Variants in MARVELD3 observed in about 807,000 individuals in gnomAD.
MARVELD3 encodes MARVEL domain containing 3.
In MARVELD3, 28 loss-of-function variants were observed where a neutral mutation model predicts 33.5. The observed-to-expected ratio is 0.84, with a 90% confidence interval of 0.62 to 1.15. The LOEUF (loss-of-function observed/expected upper bound fraction) is 1.15. Ranked by LOEUF, MARVELD3 falls within the 50% of genes most tolerant of loss-of-function variation. The pLI is 0.00. For missense variants in MARVELD3, 582 were observed against 547.6 expected (o/e 1.06, Z -0.63); for synonymous variants, 241 against 230.4 (o/e 1.05, Z -0.42).
At position 71,626,337 on chromosome 16, in the gene MARVELD3, C is replaced by A; in HGVS notation, c.108C>A (p.Asp36Glu). Residue 36 changes from aspartate (D) to glutamate (E), a missense_variant, in exon 1 of 3, where the codon GAC becomes GAA. Transcript: ENST00000268485. The surrounding 1 kb of genome is among the most constrained non-coding windows in gnomAD (Gnocchi z 5.3). ...DQGRTHDRPR[D>E]RPGDPRRKRS... ...GCCGCACCCACGATCGACCGCGGGACCGACCCGGGGACCCGCGCAGGAAGC... is the reference window on the plus strand; with the variant it reads ...GCCGCACCCACGATCGACCGCGGGAACGACCCGGGGACCCGCGCAGGAAGC... The A allele has an allele frequency of 6.5e-7, 1 of 1,548,274 alleles. No individual in the cohort carries two copies. The highest frequency in any genetic ancestry group is 8.7e-7 in the Non-Finnish European group (1 of 1,146,762).
intron 2 of MARVELD3, among the ~76,000 whole-genome samples, chr16:71,632,844 G>A (rs1194061302): frequency 6.6e-6 from 1 of 151,590 alleles, no homozygotes; most frequent in Non-Finnish European, 1.5e-5. Context: ...ACTCGTGACC[G>A]CAGGTGATCT....
intron 2 of MARVELD3, 32 bp from the exon 3 acceptor site, chr16:71,634,161 C>T (rs372788144): frequency 4.5e-6 from 7 of 1,568,794 alleles, no homozygotes; most frequent in South Asian, 1.2e-5. Context: ...CAAACAGCAT[C>T]ACTCAAAAAT....
chr16:71,640,303 C>T, downstream of MARVELD3: 1 of 1,439,532 alleles, frequency 6.9e-7, no homozygotes, highest in Non-Finnish European at 9.4e-7. Context: ...TCAACCACGT[C>T]CTTAAAATCA....
At position 71,626,595 on chromosome 16, in the gene MARVELD3, G is replaced by A. The variant is rs757292652; in HGVS notation, c.366G>A (p.Leu122=). The change falls in exon 1 of 3, where the codon CTG becomes CTA. Residue 122 remains leucine, a synonymous_variant. Coordinates refer to ENST00000268485, the MANE Select transcript of MARVELD3 (RefSeq NM_052858.6). The surrounding 1 kb of genome is among the most constrained non-coding windows in gnomAD (Gnocchi z 5.3). ...GGACGCGGGACGGAGCCCGGGGACT[G>A]ACCTGGGACGCAGCCGCGCCTCCTG... is the stretch of plus-strand genomic sequence containing the variant. The part of the protein sequence containing the change: ...QSRTRDGARG[L]TWDAAAPPGP... 1 of 1,543,164 alleles carries A rather than the reference G, an allele frequency of 6.5e-7. No individual in the cohort carries two copies. Among genetic ancestry groups the A allele is most frequent in the South Asian group, 1.2e-5 (1 of 83,880 alleles).
chr16:71,634,623 G>A lies in MARVELD3; in HGVS notation c.1026G>A (p.Ala342=), dbSNP rs1426168440. Residue 342 remains alanine, a synonymous_variant, in exon 3 of 3, where the codon GCG becomes GCA. Transcript: ENST00000268485. The stretch of plus-strand genomic sequence containing the variant: ...CTCCTGTGTGTAAAGAGAGGCAGGC[G>A]CTGTACCAAAGCAAAGGCTACAGCG... The part of the protein sequence containing the change: ...YGSPVCKERQ[A]LYQSKGYSGF... 4.3e-6 allele frequency: 7 copies of A among 1,613,994 alleles called. No homozygotes were observed. The highest frequency in any genetic ancestry group is 2.2e-5 in the East Asian group (1 of 44,890).
chr16:71,640,302 T>C, downstream of MARVELD3: 11 of 1,403,742 alleles, frequency 7.8e-6, no homozygotes, highest in Non-Finnish European at 1.1e-5. Context: ...ATCAACCACG[T>C]CCTTAAAATC....
intron 1 of MARVELD3, chr16:71,629,047 G>C: frequency 3.7e-6 from 1 of 272,364 alleles, no homozygotes; most frequent in Non-Finnish European, 6.8e-6. Flanking sequence ...GTTTTGAAGA[G>C]GCCTGGTGCA....
exon 3 of MARVELD3, chr16:71,641,537 A>G (rs8058297): frequency 0.86 from 134,187 of 156,026 alleles, 57,864 homozygotes; most frequent in East Asian, 0.99. Flanking sequence ...GCAGTGAGCC[A>G]AGACCATTGC....
downstream of MARVELD3, chr16:71,640,977 CCCGGAAGTTACAGTGATGCA>C: frequency 6.2e-7 from 1 of 1,613,286 alleles, no homozygotes; most frequent in Non-Finnish European, 8.5e-7. Flanking sequence ...CCGAGAACAG[CCCGGAAGTTACAGTGATGCA>C]CCGGAATATC....
Position 71,626,726 on chromosome 16 carries a change from G to C in MARVELD3, c.467+30G>C. On this transcript the variant is annotated intron_variant, in intron 1 of 2. Transcript: ENST00000268485. The surrounding 1 kb of genome is among the most constrained non-coding windows in gnomAD (Gnocchi z 5.3). The stretch of plus-strand genomic sequence containing the variant: ...GAGGGGCCGGGGCGCTGCGACCTCC[G>C]CGCCGGGGACACCTGTGGCCCAGGC... 5.6e-6 allele frequency: 8 copies of C among 1,424,584 alleles called. No individual in the cohort carries two copies. Among genetic ancestry groups the C allele is most frequent in the Non-Finnish European group, 6.4e-6 (7 of 1,095,898 alleles). 88.2% of individuals were successfully genotyped at this position (1,424,584 alleles called of 1,614,324 possible).
chr16:71,640,290 G>A, downstream of MARVELD3: 1 of 1,150,546 alleles, frequency 8.7e-7, no homozygotes. Context: ...AGTTGACATT[G>A]AATCAACCAC....
In MARVELD3 at chr16:71,632,774, G is replaced by A. The variant is rs1290671312; in HGVS notation, c.596-1419G>A. On this transcript the variant is annotated intron_variant, in intron 2 of 2. Transcript: ENST00000268485. ...TTACAGGCATGCACCACCACACCTG[G>A]CTAATTTTTGTATTTTTAGTAGAGA... Among the ~76,000 whole-genome samples the A allele has an allele frequency of 2.0e-5, 3 of 151,706 alleles. No individual in the cohort carries two copies. In the East Asian group the frequency reaches 5.9e-4, roughly 30 times the overall value.
rs1370034387 is a variant in MARVELD3 at position 71,634,211 on chromosome 16, A to C, written c.614A>C (p.Glu205Ala). The C allele has an allele frequency of 2.5e-6, 4 of 1,603,088 alleles. No individual in the cohort carries two copies. In the South Asian group the frequency reaches 4.4e-5, roughly 18 times the overall value. ...CTGRACCQMLEVLLNLLILAC... is the reference protein window; with the variant it reads ...CTGRACCQMLAVLLNLLILAC... ...TTTGCAGCCTGCTGCCAAATGCTGG[A>C]GGTTCTCCTGAACTTGCTGATCCTG... is the stretch of plus-strand genomic sequence containing the variant. The change falls in exon 3 of 3, where the codon GAG (glutamate) becomes GCG (alanine). Residue 205 changes from glutamate (E) to alanine (A), a missense_variant. Physicochemically the swap from Glu to Ala is moderately radical, Grantham distance 107. Coordinates refer to ENST00000268485, the MANE Select transcript of MARVELD3 (RefSeq NM_052858.6).
rs932858265 is a variant in MARVELD3, at chr16:71,635,362, A to G, written c.*559A>G. The G allele has an allele frequency of 5.1e-6, 5 of 985,728 alleles. No homozygotes were observed. Among genetic ancestry groups the G allele is most frequent in the Non-Finnish European group, 6.0e-6 (5 of 830,422 alleles). 61.1% of individuals were successfully genotyped at this position (985,728 alleles called of 1,614,324 possible). On this transcript the variant is annotated 3_prime_UTR_variant, in exon 3 of 3. Coordinates refer to ENST00000268485, the MANE Select transcript of MARVELD3 (RefSeq NM_052858.6). ...AAAAAAGCAAAAAAACTGGACCCCA[A>G]GAGCCACAAGGAAAAAGCATGTACT... is the stretch of plus-strand genomic sequence containing the variant.
chr16:71,641,948 TTC>T (rs1356344216), exon 3 of MARVELD3: 2 of 152,136 alleles, frequency 1.3e-5, no homozygotes, highest in Non-Finnish European at 2.9e-5. Flanking sequence ...AAAAATAAAG[TTC>T]TTTTAGTAAT....
chr16:71,641,334 T>G, downstream of MARVELD3: 1 of 282,420 alleles, frequency 3.5e-6, no homozygotes, highest in Non-Finnish European at 6.8e-6. Context: ...ACGCCTGTAA[T>G]CCCAGCACTT....
downstream of MARVELD3, chr16:71,640,393 TG>T (rs775810257): frequency 6.2e-7 from 1 of 1,613,906 alleles, no homozygotes; most frequent in South Asian, 1.1e-5. Flanking sequence ...CTCCTAGGTG[TG>T]GTGCAGATAG....
Position 71,636,274 on chromosome 16 carries a change from T to G in MARVELD3, c.*1471T>G, listed in dbSNP as rs573287656. ...TTAAATACAGACAATTTTTCACATT[T>G]AAAAGGTGAGTTCCATTTGAGTTTA... On this transcript the variant is annotated 3_prime_UTR_variant, in exon 3 of 3. Transcript: ENST00000268485. 1.9e-6 allele frequency: 1 copy of G among 537,744 alleles called. No homozygotes were observed. Among genetic ancestry groups the G allele is most frequent in the African/African-American group, 2.1e-5 (1 of 48,770 alleles). The allele number at this position is 537,744 out of a possible 1,614,324, so 33.3% of individuals were successfully genotyped here. A position where few individuals can be genotyped will look rare whatever the true frequency, so the allele number is the denominator to read the frequency against.
At chr16:71,632,215 A>G (rs979789) in intron 2 of MARVELD3, among the ~76,000 whole-genome samples, 70,075 of 152,062 alleles carry the variant, frequency 0.46, 16,624 homozygotes, top group South Asian at 0.63. Flanking sequence ...GATTGACTGC[A>G]AAGCGTCACT....
Sources: gnomAD v4.1 joint callset for allele counts (sites outside exome capture counted in the v4.1 genomes callset) on GRCh38, gnomAD v4.1.1 for gene constraint, Gnocchi (gnomAD v3.1) non-coding constraint, MANE v1.5 for transcripts, NCBI Gene and HGNC (gene_info 2026-07-23, HGNC 2026-07-21) for gene names.